GFRA2: variants seen among roughly 807,000 people sequenced by gnomAD.
GFRA2 encodes the protein GDNF family receptor alpha 2.
GFRA2 carries 17 observed loss-of-function variants against 48.3 expected under a neutral mutation model. The observed-to-expected ratio is 0.35, with a 90% CI of 0.24 to 0.53. The LOEUF (loss-of-function observed/expected upper bound fraction) is 0.53, where lower values mean the gene tolerates loss of function less well. GFRA2 is among the 20% of genes least tolerant of loss of function. GFRA2 has a pLI of 0.93. For synonymous variants in GFRA2, 305 were observed against 257.2 expected (o/e 1.19, Z -1.78); for missense variants, 660 against 637.3 (o/e 1.04, Z -0.38).
chr8:21,702,671 C>T (rs1802538683), intron 7 of GFRA2, 134 bp downstream of exon 7: 4 of 779,832 alleles, frequency 5.1e-6, no homozygotes, highest in South Asian at 1.9e-5. Context: ...AGAATGACCC[C>T]CGGCAGCTCC....
Position 21,750,830 on chromosome 8 carries a change from G to A in GFRA2, c.552C>T (p.Ile184=), listed in dbSNP as rs1585295290. The part of the protein sequence containing the change: ...CKKLRSSYIS[I]CNREISPTER... ...CGGTGGGCGAGATCTCGCGGTTGCA[G>A]ATGGAGATGTAGGAGGAGCGCAGCT... Residue 184 remains isoleucine, a synonymous_variant, in exon 4 of 9, where the codon ATC becomes ATT. Transcript: ENST00000524240. This position sits in a 1 kb window ranked among gnomAD's most constrained non-coding sequence, Gnocchi z 5.7. 6.2e-7 allele frequency: 1 copy of A among 1,614,012 alleles called. No individual in the cohort carries two copies. Among genetic ancestry groups the A allele is most frequent in the East Asian group, 2.2e-5 (1 of 44,880 alleles).
intron 3 of GFRA2, among the ~76,000 whole-genome samples, chr8:21,773,338 A>ACTTT (rs1806526837): frequency 1.3e-5 from 2 of 152,140 alleles, no homozygotes; most frequent in African/African-American, 4.8e-5. Context: ...GCTGACTTTG[A>ACTTT]GGTCTCCGCT....
intron 4 of GFRA2, among the ~76,000 whole-genome samples, chr8:21,737,734 C>T (rs1479655915): frequency 6.6e-6 from 1 of 152,174 alleles, no homozygotes; most frequent in Non-Finnish European, 1.5e-5. Flanking sequence ...CCGCAGGACC[C>T]TGTCTCCACA....
chr8:21,761,946 T>G (rs1003264373), intron 3 of GFRA2, among the ~76,000 whole-genome samples: 1 of 152,034 alleles, frequency 6.6e-6, no homozygotes, highest in African/African-American at 2.4e-5. Context: ...AGCGAGACTC[T>G]GTCTAAAAAA....
chr8:21,784,908 C>T (rs1332029810), intron 1 of GFRA2, among the ~76,000 whole-genome samples: 1 of 152,160 alleles, frequency 6.6e-6, no homozygotes, highest in African/African-American at 2.4e-5. Context: ...CGCGTACAGC[C>T]GGGCCCCCCA....
At chr8:21,757,026 G>T (rs10105234) in intron 3 of GFRA2, among the ~76,000 whole-genome samples, 23,040 of 152,162 alleles carry the variant, frequency 0.15, 2,488 homozygotes, top group African/African-American at 0.31. Flanking sequence ...CTCCAAAACC[G>T]CAGTTAAGTC....
intron 4 of GFRA2, among the ~76,000 whole-genome samples, chr8:21,716,109 G>C (rs1803318641): frequency 6.6e-6 from 1 of 152,136 alleles, no homozygotes; most frequent in Admixed American, 6.5e-5. Flanking sequence ...GATTACTTGA[G>C]GTCAAGAGTT....
Position 21,702,951 on chromosome 8 carries a change from C to G in GFRA2, c.1072G>C (p.Gly358Arg), listed in dbSNP as rs754491537. 3 of 1,544,980 alleles carry G rather than the reference C, an allele frequency of 1.9e-6. No homozygotes were observed. The Admixed American group carries it at 6.2e-5, about 32-fold the overall frequency. The change falls in exon 7 of 9, where the codon GGC becomes CGC. Residue 358 changes from glycine (G) to arginine (R), a missense_variant. Physicochemically the swap from Gly to Arg is moderately radical, Grantham distance 125. Transcript: ENST00000524240. ...TTTGGGGACACGTTCACGTCCGTGC[C>G]GTTGCCAAAGGCCTGGATGGCGTTC... ...LRNAIQAFGN[G>R]TDVNVSPKGP...
At chr8:21,761,566 A>C (rs1236197247) in intron 3 of GFRA2, among the ~76,000 whole-genome samples, 1 of 152,224 alleles carries the variant, frequency 6.6e-6, no homozygotes, top group African/African-American at 2.4e-5. Flanking sequence ...TACACAGAGG[A>C]CTATGCTAAG....
At chr8:21,728,273 T>TTG (rs1290247367) in intron 4 of GFRA2, among the ~76,000 whole-genome samples, 9 of 134,806 alleles carry the variant, frequency 6.7e-5, no homozygotes, top group African/African-American at 2.2e-4. Flanking sequence ...AGGTTTTTTT[T>TTG]TTTTTTTTTT....
In GFRA2 at chr8:21,699,295, C is replaced by A. The variant is rs560696262; in HGVS notation, c.1218+3510G>T. Among the ~76,000 whole-genome samples, 9 of 152,344 alleles carry A rather than the reference C, an allele frequency of 5.9e-5. No homozygotes were observed. In the East Asian group the frequency reaches 1.5e-3, roughly 26 times the overall value. ...AGGAGGAGGGAGGAGAGAGAGGTGG[C>A]CGCTGGCTGCAGAGTCGGCTGCAGG... On this transcript the variant is annotated intron_variant, in intron 7 of 8. Transcript: ENST00000524240.
intron 3 of GFRA2, among the ~76,000 whole-genome samples, chr8:21,752,482 C>G (rs765116030): frequency 1.3e-5 from 2 of 152,106 alleles, no homozygotes; most frequent in African/African-American, 2.4e-5. Context: ...TCCTCCTCAG[C>G]CTGCTTTGCT....
intron 1 of GFRA2, among the ~76,000 whole-genome samples, chr8:21,811,797 A>G (rs769719589): frequency 1.6e-5 from 2 of 121,312 alleles, no homozygotes; most frequent in Non-Finnish European, 3.3e-5. Context: ...GTTTTCTTTT[A>G]ACTTAAAACA....
intron 4 of GFRA2, among the ~76,000 whole-genome samples, chr8:21,733,734 T>C (rs1381885931): frequency 1.3e-5 from 2 of 152,152 alleles, no homozygotes; most frequent in African/African-American, 4.8e-5. Context: ...TCCCCAACTT[T>C]ATGACTATTG....
At chr8:21,732,934 T>C (rs1804268560) in intron 4 of GFRA2, among the ~76,000 whole-genome samples, 1 of 152,152 alleles carries the variant, frequency 6.6e-6, no homozygotes, top group East Asian at 1.9e-4. Flanking sequence ...CAGTCACCCA[T>C]TCAGGGAGGC....
At chr8:21,757,861 G>A (rs561786758) in intron 3 of GFRA2, among the ~76,000 whole-genome samples, 5 of 152,134 alleles carry the variant, frequency 3.3e-5, no homozygotes, top group African/African-American at 7.2e-5. Flanking sequence ...CACCTTTTAC[G>A]TTTTTCAATA....
In GFRA2 at chr8:21,788,420, G is replaced by A. The variant is rs1434289894; in HGVS notation, c.-261C>T. On this transcript the variant is annotated 5_prime_UTR_variant, in exon 1 of 9. Coordinates refer to ENST00000524240, the MANE Select transcript of GFRA2 (RefSeq NM_001495.5). Reference sequence around the variant, plus strand: ...TACAATCAAATATACGCGTATCTGTGTATCGGCTTTCTAAGCCAACAGCCC... The same window carrying A: ...TACAATCAAATATACGCGTATCTGTATATCGGCTTTCTAAGCCAACAGCCC... 1.6e-6 allele frequency: 2 copies of A among 1,262,484 alleles called. No homozygotes were observed. Among genetic ancestry groups the A allele is most frequent in the East Asian group, 7.2e-5 (2 of 27,954 alleles). 78.2% of individuals were successfully genotyped at this position (1,262,484 alleles called of 1,614,324 possible). A position where few individuals can be genotyped will look rare whatever the true frequency, so the allele number is the denominator to read the frequency against.
chr8:21,695,240 G>A (rs766865508), intron 7 of GFRA2, among the ~76,000 whole-genome samples: 36 of 152,162 alleles, frequency 2.4e-4, no homozygotes, highest in Non-Finnish European at 4.4e-4. Context: ...GCCAGAGGGC[G>A]CACATGATGA....
chr8:21,767,285 C>T (rs1444734188), intron 3 of GFRA2, among the ~76,000 whole-genome samples: 2 of 151,656 alleles, frequency 1.3e-5, no homozygotes, highest in African/African-American at 4.8e-5. Flanking sequence ...CACACCACTG[C>T]CTATACATAT....
Sources: gnomAD v4.1 joint callset for allele counts (sites outside exome capture counted in the v4.1 genomes callset) on GRCh38, gnomAD v4.1.1 for gene constraint, Gnocchi (gnomAD v3.1) non-coding constraint, MANE v1.5 for transcripts, NCBI Gene and HGNC (gene_info 2026-07-23, HGNC 2026-07-21) for gene names.